AJAP1: variants seen among roughly 807,000 people sequenced by gnomAD.
The protein encoded by AJAP1 is adherens junction-associated protein 1.
A neutral mutation model predicts 35.0 loss-of-function variants in AJAP1; 5 were observed. The ratio of observed to expected loss-of-function variants is 0.14; its 90% CI spans 0.07 to 0.30. The LOEUF (loss-of-function observed/expected upper bound fraction) is 0.30. AJAP1 is among the 10% of genes least tolerant of loss of function. The pLI, the probability that AJAP1 is intolerant of heterozygous loss-of-function variation, is 1.00. For missense variants in AJAP1, 586 were observed against 571.0 expected (o/e 1.03, Z -0.27); for synonymous variants, 284 against 249.3 (o/e 1.14, Z -1.31).
intron 2 of AJAP1, among the ~76,000 whole-genome samples, chr1:4,764,768 C>T (rs1264002504): frequency 6.6e-6 from 1 of 152,168 alleles, no homozygotes; most frequent in African/African-American, 2.4e-5. Flanking sequence ...GACCATCACT[C>T]CCGCCATCAT....
chr1:4,688,629 G>T (rs977469295), intron 1 of AJAP1, among the ~76,000 whole-genome samples: 15 of 151,864 alleles, frequency 9.9e-5, no homozygotes, highest in Non-Finnish European at 2.9e-5. Context: ...AATATTAGCC[G>T]AGCGTGGTGG....
At chr1:4,679,766 A>G (rs1055923849) in intron 1 of AJAP1, among the ~76,000 whole-genome samples, 3 of 149,970 alleles carry the variant, frequency 2.0e-5, no homozygotes, top group African/African-American at 7.4e-5. Context: ...TAAAGACATC[A>G]GTTGTATTAA....
intron 1 of AJAP1, among the ~76,000 whole-genome samples, chr1:4,666,154 G>C (rs1389775291): frequency 1.3e-5 from 2 of 149,514 alleles, no homozygotes; most frequent in Non-Finnish European, 3.0e-5. Flanking sequence ...GGCCCACCCA[G>C]GAGGGGCACC....
At chr1:4,747,333 C>A (rs138312805) in intron 2 of AJAP1, among the ~76,000 whole-genome samples, 3 of 152,346 alleles carry the variant, frequency 2.0e-5, no homozygotes, top group Non-Finnish European at 2.9e-5. Context: ...GCCATCCCCC[C>A]TCTCCACCTC....
intron 1 of AJAP1, among the ~76,000 whole-genome samples, chr1:4,669,568 T>A (rs1370952924): frequency 1.3e-5 from 2 of 152,192 alleles, no homozygotes; most frequent in Non-Finnish European, 2.9e-5. Flanking sequence ...ACCGCTCCCA[T>A]GATCCAATGA....
At chr1:4,740,812 G>A (rs1359849804) in intron 2 of AJAP1, among the ~76,000 whole-genome samples, 1 of 151,146 alleles carries the variant, frequency 6.6e-6, no homozygotes, top group Non-Finnish European at 1.5e-5. Context: ...AAAAGCGGGG[G>A]GGGCTAAGAT....
At position 4,766,184 on chromosome 1, in the gene AJAP1, C is replaced by G. The variant is rs149559625; in HGVS notation, c.830-3669C>G. ...AATGAAGTTTTATTGGAAAACAGCC[C>G]CATTTGCTTCTTTGCCCATTGTCTG... is the stretch of plus-strand genomic sequence containing the variant. On this transcript the variant is annotated intron_variant, in intron 2 of 5. Coordinates refer to ENST00000378191, the MANE Select transcript of AJAP1 (RefSeq NM_018836.4). 3.9e-4 allele frequency among the ~76,000 whole-genome samples: 59 copies of G among 151,816 alleles called. 4 individuals are homozygous for G. Among genetic ancestry groups the G allele is most frequent in the African/African-American group, 1.4e-3 (58 of 41,432 alleles).
intron 2 of AJAP1, among the ~76,000 whole-genome samples, chr1:4,758,548 G>A (rs913300722): frequency 1.3e-5 from 2 of 152,060 alleles, no homozygotes; most frequent in Admixed American, 6.6e-5. Context: ...ATCAGGTCTC[G>A]TGAGAACTCA....
At chr1:4,670,832 G>A (rs72857940) in intron 1 of AJAP1, among the ~76,000 whole-genome samples, 2,047 of 152,290 alleles carry the variant, frequency 0.013, 43 homozygotes, top group African/African-American at 0.046. Context: ...TTTCCCTTCC[G>A]GAGGAGAGGG....
At chr1:4,777,586 C>T (rs565111267) in intron 5 of AJAP1, 4 of 152,226 alleles carry the variant, frequency 2.6e-5, no homozygotes, top group African/African-American at 7.2e-5. Context: ...CATTGGCTCT[C>T]GGACTAATTC....
At chr1:4,673,101 A>G (rs1033730077) in intron 1 of AJAP1, among the ~76,000 whole-genome samples, 6 of 152,208 alleles carry the variant, frequency 3.9e-5, no homozygotes, top group Non-Finnish European at 8.8e-5. Context: ...TTCTTCCCCA[A>G]GATCTCCAGA....
chr1:4,740,429 G>A (rs1367182502), intron 2 of AJAP1, among the ~76,000 whole-genome samples: 1 of 152,086 alleles, frequency 6.6e-6, no homozygotes, highest in Admixed American at 6.5e-5. Flanking sequence ...AAGTTCTGGA[G>A]TTGGAGGGTG....
rs893898253 is a variant in AJAP1 at position 4,789,434 on chromosome 1, T to G, written c.*6949T>G. 7.9e-5 allele frequency: 12 copies of G among 152,226 alleles called. No homozygotes were observed. The highest frequency in any genetic ancestry group is 2.9e-4 in the African/African-American group (12 of 41,466). 9.4% of individuals were successfully genotyped at this position (152,226 alleles called of 1,614,324 possible). ...GGGAGCATTGGACTGTAGGAAATTCTCCTTTATACAAGTTAATTAGTTTTG... is the reference window on the plus strand; with the variant it reads ...GGGAGCATTGGACTGTAGGAAATTCGCCTTTATACAAGTTAATTAGTTTTG... On this transcript the variant is annotated 3_prime_UTR_variant, in exon 6 of 6. Coordinates refer to ENST00000378191, the MANE Select transcript of AJAP1 (RefSeq NM_018836.4). The surrounding 1 kb of genome is among the most constrained non-coding windows in gnomAD (Gnocchi z 4.4).
At position 4,655,660 on chromosome 1, in the gene AJAP1, G is replaced by A. The variant is rs1274973310; in HGVS notation, c.29+206G>A. Among the ~76,000 whole-genome samples the A allele has an allele frequency of 6.6e-6, 1 of 151,324 alleles. No individual in the cohort carries two copies. Among genetic ancestry groups the A allele is most frequent in the East Asian group, 2.0e-4 (1 of 5,094 alleles). Reference sequence around the variant, plus strand: ...CTGGCGGGGAGCGGCCGGGTCTCCAGGGTTCCGCGCGTCCGGGGTCGGGGC... The same window carrying A: ...CTGGCGGGGAGCGGCCGGGTCTCCAAGGTTCCGCGCGTCCGGGGTCGGGGC... On this transcript the variant is annotated intron_variant, in intron 1 of 5. Coordinates refer to ENST00000378191, the MANE Select transcript of AJAP1 (RefSeq NM_018836.4). This position sits in a 1 kb window ranked among gnomAD's most constrained non-coding sequence, Gnocchi z 6.9.
intron 5 of AJAP1, among the ~76,000 whole-genome samples, chr1:4,779,052 C>G (rs1397214102): frequency 6.6e-6 from 1 of 152,128 alleles, no homozygotes; most frequent in Non-Finnish European, 1.5e-5. Context: ...GCAGATGGTC[C>G]CATACCGAAG....
chr1:4,768,288 A>G (rs372339350), intron 2 of AJAP1, among the ~76,000 whole-genome samples: 1 of 151,902 alleles, frequency 6.6e-6, no homozygotes, highest in African/African-American at 2.4e-5. Flanking sequence ...CTTGGGAGAG[A>G]CTCGCCATGC....
intron 2 of AJAP1, among the ~76,000 whole-genome samples, chr1:4,737,699 C>T (rs757819730): frequency 6.6e-6 from 1 of 152,170 alleles, no homozygotes; most frequent in Admixed American, 6.5e-5. Context: ...TCAAGACTAG[C>T]CTGGGCAACA....
chr1:4,772,602 G>C, intron 4 of AJAP1, 77 bp downstream of exon 4: 1 of 1,571,726 alleles, frequency 6.4e-7, no homozygotes, highest in South Asian at 1.2e-5. Flanking sequence ...GTGTGGCTGA[G>C]CTGAGAGCTG....
At chr1:4,778,241 G>A (rs373863371) in intron 5 of AJAP1, among the ~76,000 whole-genome samples, 1 of 152,138 alleles carries the variant, frequency 6.6e-6, no homozygotes, top group East Asian at 1.9e-4. Flanking sequence ...TTTGCCCAGG[G>A]AATCTCAGGT....
Sources: allele counts gnomAD v4.1 joint callset (sites outside exome capture counted in the v4.1 genomes callset), GRCh38; gene constraint gnomAD v4.1.1; non-coding constraint Gnocchi (gnomAD v3.1); transcripts MANE v1.5; gene names NCBI Gene and HGNC (gene_info 2026-07-23, HGNC 2026-07-21).